Variants in ZNF662 observed in about 807,000 individuals in gnomAD.
The protein encoded by ZNF662 is zinc finger protein 662.
A neutral mutation model predicts 12.4 loss-of-function variants in ZNF662; 14 were observed. The ratio of observed to expected loss-of-function variants is 1.13; its 90% confidence interval spans 0.75 to 1.77. The LOEUF (loss-of-function observed/expected upper bound fraction) is 1.77. ZNF662 is among the 40% of genes most tolerant of loss of function. The probability of loss-of-function intolerance (pLI) is 0.00; values close to 1 mark genes in which losing one functional copy is unlikely to be tolerated. For synonymous variants in ZNF662, 184 were observed against 176.4 expected (o/e 1.04, Z -0.34); for missense variants, 550 against 515.6 (o/e 1.07, Z -0.65).
rs1191030953 is a variant in ZNF662, at chr3:42,913,201, G to T, written c.152G>T (p.Gly51Val). 2.5e-6 allele frequency: 4 copies of T among 1,612,830 alleles called. No individual in the cohort carries two copies. Among genetic ancestry groups the T allele is most frequent in the Non-Finnish European group, 3.4e-6 (4 of 1,179,116 alleles). The change falls in exon 4 of 5, where the codon GGA (glycine) becomes GTA (valine). Residue 51 changes from glycine to valine, a missense_variant and splice_region_variant. Transcript: ENST00000440367. Reference protein sequence around the residue: ...DGEAPRGISSGYPFLKPAGIS... With the variant: ...DGEAPRGISSVYPFLKPAGIS... ...CTTATTTGTATCTTGACCCTGGCAG[G>T]ATATCCATTTCTAAAGCCTGCTGGG...
At position 42,908,036 on chromosome 3, in the gene ZNF662, C is replaced by T. The variant is rs1481622745; in HGVS notation, c.-79C>T. On this transcript the variant is annotated 5_prime_UTR_variant, in exon 2 of 5. Transcript: ENST00000440367. ...TGTTGTTTCAGGAGTCAGTGACCTT[C>T]GAGGATGTGGCCGTCTACTTCTCTG... 17 of 1,614,030 alleles carry T rather than the reference C, an allele frequency of 1.1e-5. No homozygotes were observed. The highest frequency in any genetic ancestry group is 4.0e-5 in the African/African-American group (3 of 74,928).
At chr3:42,907,835 T>G in intron 1 of ZNF662, 187 bp from the exon 2 acceptor site, 15 of 985,286 alleles carry the variant, frequency 1.5e-5, no homozygotes, top group Non-Finnish European at 1.7e-5. Flanking sequence ...CATGAGAAAA[T>G]TGATGGCTGA....
chr3:42,915,408 A>G lies in ZNF662; in HGVS notation c.*54A>G, dbSNP rs540146963. On this transcript the variant is annotated 3_prime_UTR_variant, in exon 5 of 5. Transcript: ENST00000440367. ...AATTCTTATGCTGCAGGAACCCTAGAGACAAAATGAGATGACCATTCACAA... is the reference window on the plus strand; with the variant it reads ...AATTCTTATGCTGCAGGAACCCTAGGGACAAAATGAGATGACCATTCACAA... 3.4e-6 allele frequency: 5 copies of G among 1,475,648 alleles called. No individual in the cohort carries two copies. Among genetic ancestry groups the G allele is most frequent in the Non-Finnish European group, 4.5e-6 (5 of 1,099,408 alleles). 91.4% of individuals were successfully genotyped at this position (1,475,648 alleles called of 1,614,324 possible).
chr3:42,912,943 A>C (rs1006481518), intron 3 of ZNF662, among the ~76,000 whole-genome samples: 1 of 150,664 alleles, frequency 6.6e-6, no homozygotes, highest in South Asian at 2.1e-4. Flanking sequence ...GGGTTTCACC[A>C]TGTTGGCCAG....
At chr3:42,914,033 G>C (rs189778225) in intron 4 of ZNF662, among the ~76,000 whole-genome samples, 1 of 151,654 alleles carries the variant, frequency 6.6e-6, no homozygotes, top group Admixed American at 6.6e-5. Flanking sequence ...CAGCTACCTA[G>C]GAGGAATTCT....
At chr3:42,912,691 A>ATTTT (rs1350631884) in intron 3 of ZNF662, among the ~76,000 whole-genome samples, 30 of 20,386 alleles carry the variant, frequency 1.5e-3, no homozygotes, top group East Asian at 6.5e-3. Flanking sequence ...AAATATATAT[A>ATTTT]TATTTTATAT....
rs748929990 is a variant in ZNF662, at chr3:42,914,313, A to G, written c.254-14A>G. 1.9e-6 allele frequency: 3 copies of G among 1,573,856 alleles called. No homozygotes were observed. The highest frequency in any genetic ancestry group is 1.4e-5 in the African/African-American group (1 of 72,728). ...GATAATGATGACATTTGAAGCTCCA[A>G]TTTCTTTTTTCAGAGGGTGTGTTGA... On this transcript the variant is annotated splice_polypyrimidine_tract_variant and intron_variant, in intron 4 of 4. Coordinates refer to ENST00000440367, the MANE Select transcript of ZNF662 (RefSeq NM_207404.4).
chr3:42,913,099 A>G, intron 3 of ZNF662, 102 bp from the exon 4 acceptor site: 5 of 780,722 alleles, frequency 6.4e-6, no homozygotes, highest in Non-Finnish European at 1.1e-5. Context: ...CAATCTTTTC[A>G]CCCACCTTTA....
chr3:42,908,741 A>G (rs941412248), intron 2 of ZNF662, 52 bp from the exon 3 acceptor site: 4 of 1,577,822 alleles, frequency 2.5e-6, no homozygotes, highest in Non-Finnish European at 2.6e-6. Flanking sequence ...GAGCCTTGGG[A>G]TTACTGTGTG....
chr3:42,910,689 C>T (rs1031192882), intron 3 of ZNF662, among the ~76,000 whole-genome samples: 4 of 152,194 alleles, frequency 2.6e-5, no homozygotes, highest in East Asian at 3.9e-4. Flanking sequence ...CTTTCTTACT[C>T]TTAGTTTCCT....
intron 2 of ZNF662, chr3:42,908,517 G>A (rs1345482507): frequency 1.6e-6 from 2 of 1,270,230 alleles, no homozygotes; most frequent in Non-Finnish European, 1.0e-6. Flanking sequence ...AGCTCTAAGA[G>A]GGAGAGGACA....
At chr3:42,910,572 G>T (rs1462872591) in intron 3 of ZNF662, among the ~76,000 whole-genome samples, 1 of 152,060 alleles carries the variant, frequency 6.6e-6, no homozygotes, top group African/African-American at 2.4e-5. Context: ...TCCAGCTTGG[G>T]ATATAATGGC....
Position 42,914,926 on chromosome 3 carries a change from T to C in ZNF662, c.853T>C (p.Phe285Leu). 6.2e-7 allele frequency: 1 copy of C among 1,614,218 alleles called. No individual in the cohort carries two copies. Among genetic ancestry groups the C allele is most frequent in the Non-Finnish European group, 8.5e-7 (1 of 1,180,036 alleles). ...TGAATGTAAGGAATGTGGGAAGGGC[T>C]TTAGTCAGAACACAAGCCTTACGCA... ...PFECKECGKGFSQNTSLTQHQ... is the reference protein window; with the variant it reads ...PFECKECGKGLSQNTSLTQHQ... Residue 285 changes from phenylalanine to leucine, a missense_variant, in exon 5 of 5, where the codon TTT becomes CTT. Physicochemically the swap from Phe to Leu is conservative, Grantham distance 22. Coordinates refer to ENST00000440367, the MANE Select transcript of ZNF662 (RefSeq NM_207404.4).
At chr3:42,912,720 A>ATATTTTATATATATAAATATATATATATT (rs2088841040) in intron 3 of ZNF662, among the ~76,000 whole-genome samples, 13 of 66,408 alleles carry the variant, frequency 2.0e-4, no homozygotes, top group South Asian at 4.2e-4. Flanking sequence ...ATATATATAT[A>ATATTTTATATATATAAATATATATATATT]TTTTTTATAT....
rs1425663204 is a variant in ZNF662, at chr3:42,915,813, G to A, written c.*459G>A. On this transcript the variant is annotated 3_prime_UTR_variant, in exon 5 of 5. Coordinates refer to ENST00000440367, the MANE Select transcript of ZNF662 (RefSeq NM_207404.4). ...CCCATTTTTATTTGCTTATTTTCCT[G>A]TGCTTTTAGTTTCCCTTCATCACTC... 1 of 157,246 alleles carries A rather than the reference G, an allele frequency of 6.4e-6. No homozygotes were observed. Among genetic ancestry groups the A allele is most frequent in the East Asian group, 1.9e-4 (1 of 5,300 alleles). The allele number at this position is 157,246 out of a possible 1,614,324, so 9.7% of individuals were successfully genotyped here.
At position 42,908,622 on chromosome 3, in the gene ZNF662, T is replaced by G. The variant is rs1020398496; in HGVS notation, c.35-171T>G. 30 of 1,456,786 alleles carry G rather than the reference T, an allele frequency of 2.1e-5. No individual in the cohort carries two copies. In the African/African-American group the frequency reaches 4.3e-4, roughly 21 times the overall value. 90.2% of individuals were successfully genotyped at this position (1,456,786 alleles called of 1,614,324 possible). A position where few individuals can be genotyped will look rare whatever the true frequency, so the allele number is the denominator to read the frequency against. On this transcript the variant is annotated intron_variant, in intron 2 of 4. Transcript: ENST00000440367. ...TCGTCTGTCAACTTCCTGACCTTTG[T>G]AAGTCTCCTGGCCCCTCTCTTGTCC...
At chr3:42,912,532 CATAT>C (rs1396927985) in intron 3 of ZNF662, among the ~76,000 whole-genome samples, 1 of 82,094 alleles carries the variant, frequency 1.2e-5, no homozygotes, top group Non-Finnish European at 2.1e-5. Flanking sequence ...TATATAAATA[CATAT>C]ATTTATATAT....
chr3:42,915,524 A>G lies in ZNF662; in HGVS notation c.*170A>G, dbSNP rs1427168112. 14 of 617,634 alleles carry G rather than the reference A, an allele frequency of 2.3e-5. No individual in the cohort carries two copies. Among genetic ancestry groups the G allele is most frequent in the Middle Eastern group, 3.9e-4 (1 of 2,576 alleles). 38.3% of individuals were successfully genotyped at this position (617,634 alleles called of 1,614,324 possible). On this transcript the variant is annotated 3_prime_UTR_variant, in exon 5 of 5. Coordinates refer to ENST00000440367, the MANE Select transcript of ZNF662 (RefSeq NM_207404.4). The stretch of plus-strand genomic sequence containing the variant: ...CTAGCAAGACTGGTCCCTCTGTTCT[A>G]TGATGTTTTAACAAGGCATCATTTA...
At chr3:42,910,354 G>GGGGGAGGGGGAA (rs1472751122) in intron 3 of ZNF662, among the ~76,000 whole-genome samples, 1 of 152,160 alleles carries the variant, frequency 6.6e-6, no homozygotes, top group Non-Finnish European at 1.5e-5. Flanking sequence ...AAGAGGGAGA[G>GGGGGAGGGGGAA]GGGGAGGGGG....
Sources: allele counts gnomAD v4.1 joint callset (sites outside exome capture counted in the v4.1 genomes callset), GRCh38; gene constraint gnomAD v4.1.1; transcripts MANE v1.5; gene names NCBI Gene and HGNC (gene_info 2026-07-23, HGNC 2026-07-21).